The following MAPK10 variants were observed in gnomAD, a reference collection of about 807,000 sequenced individuals.
MAPK10 encodes the protein JNK3 alpha protein kinase.
Under a neutral mutation model 59.3 loss-of-function variants are expected in MAPK10, and 25 were observed. That is an observed-to-expected ratio of 0.42 (90% CI 0.31 to 0.59). The LOEUF (loss-of-function observed/expected upper bound fraction) is 0.59, where lower values mean the gene tolerates loss of function less well. Ranked by LOEUF, MAPK10 falls within the 20% of genes least tolerant of loss-of-function variation. The pLI is 0.15. For missense variants in MAPK10, 351 were observed against 568.9 expected (o/e 0.62, Z 3.90); for synonymous variants, 190 against 200.5 (o/e 0.95, Z 0.44).
chr4:86,047,006 C>A (rs2042614310), intron 11 of MAPK10, among the ~76,000 whole-genome samples: 1 of 152,054 alleles, frequency 6.6e-6, no homozygotes, highest in Non-Finnish European at 1.5e-5. Context: ...TAGAGTGTAA[C>A]AGAGTACTAT....
At chr4:86,148,404 CTA>C (rs1260726532) in intron 4 of MAPK10, among the ~76,000 whole-genome samples, 1 of 152,090 alleles carries the variant, frequency 6.6e-6, no homozygotes, top group Non-Finnish European at 1.5e-5. Flanking sequence ...AGAACAATGA[CTA>C]GTATGCCCTT....
At chr4:86,459,825 C>T (rs1285188990) in intron 1 of MAPK10, among the ~76,000 whole-genome samples, 4 of 151,308 alleles carry the variant, frequency 2.6e-5, no homozygotes, top group Admixed American at 6.6e-5. Flanking sequence ...GTATACTGCT[C>T]GGGTGATGGG....
intron 1 of MAPK10, among the ~76,000 whole-genome samples, chr4:86,443,770 A>G (rs1418736677): frequency 6.6e-6 from 1 of 152,244 alleles, no homozygotes; most frequent in African/African-American, 2.4e-5. Flanking sequence ...AGACTGAACA[A>G]GCATCAGAAC....
chr4:86,163,813 A>G (rs904645379), intron 3 of MAPK10, among the ~76,000 whole-genome samples: 1 of 152,156 alleles, frequency 6.6e-6, no homozygotes, highest in Non-Finnish European at 1.5e-5. Context: ...CGACATGTAA[A>G]CAAAGGATGT....
At chr4:86,408,599 G>A (rs988228092) in intron 1 of MAPK10, among the ~76,000 whole-genome samples, 18 of 152,100 alleles carry the variant, frequency 1.2e-4, no homozygotes, top group Non-Finnish European at 1.3e-4. Flanking sequence ...CATTCTAATT[G>A]GCATGAGATG....
intron 3 of MAPK10, among the ~76,000 whole-genome samples, chr4:86,166,106 T>C (rs980595915): frequency 6.6e-6 from 1 of 152,208 alleles, no homozygotes; most frequent in Admixed American, 6.5e-5. Context: ...GCTTGAATAC[T>C]TATTAGGCAC....
chr4:86,306,747 A>G (rs2095575063), intron 2 of MAPK10, among the ~76,000 whole-genome samples: 1 of 152,218 alleles, frequency 6.6e-6, no homozygotes, highest in African/African-American at 2.4e-5. Flanking sequence ...TTCACTTGGG[A>G]AAATTTCAGC....
intron 4 of MAPK10, among the ~76,000 whole-genome samples, chr4:86,151,627 C>T (rs1457995919): frequency 6.6e-6 from 1 of 151,982 alleles, no homozygotes; most frequent in African/African-American, 2.4e-5. Context: ...TGGTTCCTGG[C>T]TAGATGGTGA....
chr4:86,430,628 T>C (rs1298652223), intron 1 of MAPK10, among the ~76,000 whole-genome samples: 2 of 152,110 alleles, frequency 1.3e-5, no homozygotes, highest in Non-Finnish European at 2.9e-5. Context: ...AGTACAAAAA[T>C]TGTCTCTACA....
intron 1 of MAPK10, among the ~76,000 whole-genome samples, chr4:86,402,015 C>G (rs1743790222): frequency 6.6e-6 from 1 of 152,116 alleles, no homozygotes; most frequent in Admixed American, 6.5e-5. Context: ...TCCTACGCCC[C>G]CAGCCATAGT....
chr4:86,149,790 T>A (rs897426050), intron 4 of MAPK10, among the ~76,000 whole-genome samples: 1 of 152,310 alleles, frequency 6.6e-6, no homozygotes, highest in African/African-American at 2.4e-5. Context: ...CATCTTCAGA[T>A]AAAGTTCCTG....
At chr4:86,307,255 G>A (rs1490897865) in intron 2 of MAPK10, among the ~76,000 whole-genome samples, 2 of 152,256 alleles carry the variant, frequency 1.3e-5, no homozygotes, top group African/African-American at 2.4e-5. Flanking sequence ...ACATTGCACA[G>A]TTTCAGGTGA....
At chr4:86,529,571 C>A (rs1359922922) in intron 1 of MAPK10, among the ~76,000 whole-genome samples, 1 of 152,146 alleles carries the variant, frequency 6.6e-6, no homozygotes, top group Non-Finnish European at 1.5e-5. Flanking sequence ...AAGTTATTTG[C>A]TTCTTTTCAA....
At chr4:86,131,367 C>T (rs796722135) in intron 4 of MAPK10, among the ~76,000 whole-genome samples, 8 of 152,176 alleles carry the variant, frequency 5.3e-5, no homozygotes, top group African/African-American at 1.9e-4. Flanking sequence ...ATTATTACTG[C>T]AGAATGTGGG....
chr4:86,389,498 C>T (rs1464238473), intron 1 of MAPK10, among the ~76,000 whole-genome samples: 1 of 152,170 alleles, frequency 6.6e-6, no homozygotes, highest in African/African-American at 2.4e-5. Context: ...CCACACTCCC[C>T]TACGGGATAG....
intron 2 of MAPK10, among the ~76,000 whole-genome samples, chr4:86,277,377 C>T (rs1420607690): frequency 6.6e-6 from 1 of 152,024 alleles, no homozygotes; most frequent in African/African-American, 2.4e-5. Flanking sequence ...TGTGGCATAT[C>T]CTGGGAAAGA....
intron 1 of MAPK10, among the ~76,000 whole-genome samples, chr4:86,479,837 A>T (rs369855428): frequency 8.5e-5 from 13 of 152,208 alleles, no homozygotes; most frequent in East Asian, 7.7e-4. Context: ...TAATTCTATA[A>T]GACAAATGTT....
chr4:86,204,540 G>A (rs967737111), intron 2 of MAPK10, among the ~76,000 whole-genome samples: 1 of 151,918 alleles, frequency 6.6e-6, no homozygotes, highest in African/African-American at 2.4e-5. Context: ...CCAGTAATAT[G>A]GGAAGCATAG....
At chr4:86,027,864 A>AT (rs1751149972) in intron 13 of MAPK10, 1 of 151,940 alleles carries the variant, frequency 6.6e-6, no homozygotes, top group South Asian at 2.1e-4. Context: ...AGATCCTATT[A>AT]TTTGGGAAGA....
Sources: allele counts gnomAD v4.1 joint callset (sites outside exome capture counted in the v4.1 genomes callset), GRCh38; gene constraint gnomAD v4.1.1; transcripts MANE v1.5; gene names NCBI Gene and HGNC (gene_info 2026-07-23, HGNC 2026-07-21).